CCDC149: variants seen among roughly 807,000 people sequenced by gnomAD.
The protein encoded by CCDC149 is coiled-coil domain-containing protein 149.
In CCDC149, 45 loss-of-function variants were observed where a neutral mutation model predicts 59.9. That is an observed-to-expected ratio of 0.75 (90% CI 0.59 to 0.96). The LOEUF is 0.96. CCDC149 is among the 40% of genes least tolerant of loss of function. The pLI, the probability that CCDC149 is intolerant of heterozygous loss-of-function variation, is 0.00. For missense variants in CCDC149, 584 were observed against 664.7 expected (o/e 0.88, Z 1.33); for synonymous variants, 245 against 260.6 (o/e 0.94, Z 0.58).
chr4:24,809,365 T>C (rs2159754), intron 12 of CCDC149, among the ~76,000 whole-genome samples: 23,882 of 152,106 alleles, frequency 0.16, 2,132 homozygotes, highest in South Asian at 0.23. Flanking sequence ...ACCTTCAAGC[T>C]CCCTCCCCTG....
intron 12 of CCDC149, among the ~76,000 whole-genome samples, chr4:24,818,860 A>T (rs74624630): frequency 7.9e-4 from 120 of 152,340 alleles, no homozygotes; most frequent in Non-Finnish European, 1.5e-3. Context: ...ACTGATCCTG[A>T]TACAACATGG....
intron 1 of CCDC149, chr4:24,894,870 G>A: frequency 1.5e-6 from 2 of 1,294,722 alleles, no homozygotes; most frequent in South Asian, 1.3e-5. Context: ...CCTGCAGCCT[G>A]TGCTAGAACC....
intron 1 of CCDC149, among the ~76,000 whole-genome samples, chr4:24,971,948 G>A (rs1723981855): frequency 6.6e-6 from 1 of 152,162 alleles, no homozygotes; most frequent in Non-Finnish European, 1.5e-5. Flanking sequence ...ACCAGTTGCT[G>A]ATCAAAAAAT....
At chr4:24,886,091 A>G (rs978070278) in intron 1 of CCDC149, among the ~76,000 whole-genome samples, 1 of 152,246 alleles carries the variant, frequency 6.6e-6, no homozygotes, top group Non-Finnish European at 1.5e-5. Flanking sequence ...CCTTCATCAC[A>G]AAGGTAGTAA....
intron 4 of CCDC149, among the ~76,000 whole-genome samples, chr4:24,852,552 T>G (rs1007022230): frequency 6.6e-6 from 1 of 152,202 alleles, no homozygotes; most frequent in Non-Finnish European, 1.5e-5. Flanking sequence ...AGTTCATATT[T>G]TATAATTAAC....
At chr4:24,960,944 T>G (rs1944351311) in intron 1 of CCDC149, among the ~76,000 whole-genome samples, 1 of 152,224 alleles carries the variant, frequency 6.6e-6, no homozygotes, top group African/African-American at 2.4e-5. Flanking sequence ...TATCCAAGTC[T>G]GCATGAGACA....
At chr4:24,882,948 C>A (rs1334066843) in intron 1 of CCDC149, among the ~76,000 whole-genome samples, 1 of 152,108 alleles carries the variant, frequency 6.6e-6, no homozygotes, top group Non-Finnish European at 1.5e-5. Context: ...TCACATAGGC[C>A]AAGAAAAACT....
intron 1 of CCDC149, among the ~76,000 whole-genome samples, chr4:24,940,998 G>A (rs1176266939): frequency 6.6e-6 from 1 of 152,136 alleles, no homozygotes; most frequent in Non-Finnish European, 1.5e-5. Context: ...GAGACAGAAA[G>A]TTAAGACGGA....
intron 1 of CCDC149, among the ~76,000 whole-genome samples, chr4:24,966,129 C>G (rs1392784501): frequency 3.3e-5 from 5 of 152,142 alleles, no homozygotes; most frequent in Non-Finnish European, 7.3e-5. Flanking sequence ...AAACAGGATC[C>G]CGAGCTGTTG....
chr4:24,887,268 G>A (rs1018393187), intron 1 of CCDC149, among the ~76,000 whole-genome samples: 2 of 141,586 alleles, frequency 1.4e-5, no homozygotes, highest in African/African-American at 5.2e-5. Flanking sequence ...AGGTAGCTGG[G>A]GTGTAGTGGG....
At chr4:24,894,037 T>G (rs1720698359) in intron 1 of CCDC149, among the ~76,000 whole-genome samples, 1 of 152,210 alleles carries the variant, frequency 6.6e-6, no homozygotes, top group African/African-American at 2.4e-5. Context: ...GACTTCAGAA[T>G]CAGAGAAACC....
intron 12 of CCDC149, among the ~76,000 whole-genome samples, chr4:24,812,128 A>T (rs1714649960): frequency 6.6e-6 from 1 of 152,198 alleles, no homozygotes; most frequent in Non-Finnish European, 1.5e-5. Flanking sequence ...AATCCAGGAT[A>T]ATCTCCTAAT....
chr4:24,839,089 G>C (rs1237069304), intron 4 of CCDC149, among the ~76,000 whole-genome samples: 2 of 151,690 alleles, frequency 1.3e-5, no homozygotes, highest in Non-Finnish European at 2.9e-5. Flanking sequence ...GAGAGAGAGA[G>C]AAAGAGAGAA....
intron 1 of CCDC149, among the ~76,000 whole-genome samples, chr4:24,952,197 G>A (rs747070988): frequency 7.2e-5 from 11 of 152,246 alleles, no homozygotes; most frequent in East Asian, 5.8e-4. Context: ...TAACGTGCAC[G>A]CCTCAAACCT....
chr4:24,899,775 G>T (rs1164297368), intron 1 of CCDC149, among the ~76,000 whole-genome samples: 9 of 152,072 alleles, frequency 5.9e-5, no homozygotes, highest in African/African-American at 2.2e-4. Flanking sequence ...CCATTGTTTG[G>T]TTCCAGAATG....
At chr4:24,905,677 C>T (rs568538295) in intron 1 of CCDC149, among the ~76,000 whole-genome samples, 1 of 152,272 alleles carries the variant, frequency 6.6e-6, no homozygotes, top group East Asian at 1.9e-4. Context: ...CTCAGGTGAT[C>T]CACCTGCCTT....
At chr4:24,804,320 G>A (rs1213941716), downstream of CCDC149, among the ~76,000 whole-genome samples, 2 of 151,794 alleles carry the variant, frequency 1.3e-5, no homozygotes, top group Non-Finnish European at 2.9e-5. Flanking sequence ...GTGAAACCCC[G>A]TCTCTACTAA....
At position 24,939,471 on chromosome 4, in the gene CCDC149, T is replaced by C. The variant is rs563127519; in HGVS notation, c.-65+40598A>G. The stretch of plus-strand genomic sequence containing the variant: ...AAAACAGAGCAGAAAAACTGGAAAC[T>C]CTAAAAATCAGAGTGCCTCTCCTCC... On this transcript the variant is annotated intron_variant, in intron 1 of 12. Transcript: ENST00000389609. Among the ~76,000 whole-genome samples, 323 of 151,934 alleles carry C rather than the reference T, an allele frequency of 2.1e-3. 5 individuals carry two copies. The highest frequency in any genetic ancestry group is 1.2e-3 in the Non-Finnish European group (83 of 67,962).
chr4:24,890,412 C>T (rs1720460129), intron 1 of CCDC149, among the ~76,000 whole-genome samples: 1 of 152,106 alleles, frequency 6.6e-6, no homozygotes, highest in Admixed American at 6.5e-5. Context: ...TGAACCCAAG[C>T]CTGTCCCATG....
Sources: gnomAD v4.1 joint callset for allele counts (sites outside exome capture counted in the v4.1 genomes callset) on GRCh38, gnomAD v4.1.1 for gene constraint, MANE v1.5 for transcripts, NCBI Gene and HGNC (gene_info 2026-07-23, HGNC 2026-07-21) for gene names.